Variants in XK observed in about 807,000 individuals in gnomAD.
XK encodes the protein X-linked Kx blood group antigen, Kell and VPS13A binding protein, also known as endoplasmic reticulum membrane adapter protein XK.
A neutral mutation model predicts 14.0 loss-of-function variants in XK; 2 were observed. The observed-to-expected ratio is 0.14, with a 90% CI of 0.06 to 0.45. The LOEUF (loss-of-function observed/expected upper bound fraction) is 0.45, where lower values mean the gene tolerates loss of function less well. Ranked by LOEUF, XK falls within the 20% of genes least tolerant of loss-of-function variation. XK has a pLI of 0.98. For synonymous variants in XK, 149 were observed against 147.5 expected, an observed-to-expected ratio of 1.01 and a Z score of -0.08; for missense variants, 235 against 341.5, an observed-to-expected ratio of 0.69 and a Z score of 2.46.
At chrX:37,707,686 A>T (rs1203715547) in intron 2 of XK, among the ~76,000 whole-genome samples, 1 of 99,282 alleles carries the variant, frequency 1.0e-5, no homozygotes, top group African/African-American at 3.8e-5. Context: ...CCTAGATGGG[A>T]TGGCGGCCGG....
At chrX:37,721,607 A>G (rs1927873623) in intron 2 of XK, among the ~76,000 whole-genome samples, 1 of 111,802 alleles carries the variant, frequency 8.9e-6, no homozygotes, top group South Asian at 3.6e-4. Flanking sequence ...TGGTTGAAAT[A>G]TGAAATGGTG....
rs917766328 is a variant in XK at position 37,730,269 on chromosome X, A to G, written c.*1807A>G. 8.9e-6 allele frequency: 1 copy of G among 112,288 alleles called. No individual in the cohort carries two copies. The highest frequency in any genetic ancestry group is 9.4e-5 in the Admixed American group (1 of 10,604). The allele number at this position is 112,288 out of a possible 1,213,427, so 9.3% of individuals were successfully genotyped here. ...AATAGGCCTAAAATAGTGAGCATAT[A>G]TAATCAAAATAATACTTCATACAAC... On this transcript the variant is annotated 3_prime_UTR_variant, in exon 3 of 3. Coordinates refer to ENST00000378616, the MANE Select transcript of XK (RefSeq NM_021083.4).
chrX:37,696,622 A>G (rs1164380288), intron 2 of XK, among the ~76,000 whole-genome samples: 1 of 112,848 alleles, frequency 8.9e-6, no homozygotes, highest in Non-Finnish European at 1.9e-5. Flanking sequence ...GGTGTGCCAC[A>G]AAGGCAAATG....
At chrX:37,699,213 A>G (rs189953240) in intron 2 of XK, among the ~76,000 whole-genome samples, 1 of 112,234 alleles carries the variant, frequency 8.9e-6, no homozygotes, top group Admixed American at 9.4e-5. Flanking sequence ...GAACAATGTG[A>G]TGATTGATTG....
chrX:37,728,091 A>C lies in XK; in HGVS notation c.964A>C (p.Met322Leu), dbSNP rs1233147536. ...HNWYQLLVYY[M>L]IRFIENAILL... is the part of the protein sequence containing the mutation. The stretch of plus-strand genomic sequence containing the variant: ...TTGGTACCAGCTACTGGTGTATTAC[A>C]TGATAAGATTCATCGAGAATGCCAT... Residue 322 changes from methionine (M) to leucine (L), a missense_variant, in exon 3 of 3, where the codon ATG becomes CTG. Coordinates refer to ENST00000378616, the MANE Select transcript of XK (RefSeq NM_021083.4). The C allele has an allele frequency of 8.3e-7, 1 of 1,211,624 alleles. No homozygotes were observed. The highest frequency in any genetic ancestry group is 2.3e-4 in the Middle Eastern group (1 of 4,355).
At chrX:37,710,079 C>T (rs1377820463) in intron 2 of XK, among the ~76,000 whole-genome samples, 1 of 112,077 alleles carries the variant, frequency 8.9e-6, no homozygotes, top group African/African-American at 3.2e-5. Flanking sequence ...TGCCTGTCAC[C>T]CAATAGGGAC....
At position 37,685,880 on chromosome X, in the gene XK, C is replaced by T. The variant is rs1328035112; in HGVS notation, c.-82C>T. On this transcript the variant is annotated 5_prime_UTR_variant, in exon 1 of 3. Coordinates refer to ENST00000378616, the MANE Select transcript of XK (RefSeq NM_021083.4). ...TTGGGGCTGGGCATGCTGGGAGCCCCTCGGGCAACGGCCGCCGCCGCCACA... is the reference window on the plus strand; with the variant it reads ...TTGGGGCTGGGCATGCTGGGAGCCCTTCGGGCAACGGCCGCCGCCGCCACA... 12 of 1,105,931 alleles carry T rather than the reference C, an allele frequency of 1.1e-5. No individual in the cohort carries two copies. The highest frequency in any genetic ancestry group is 1.4e-5 in the Non-Finnish European group (12 of 828,546). The allele number at this position is 1,105,931 out of a possible 1,213,427, so 91.1% of individuals were successfully genotyped here.
intron 2 of XK, among the ~76,000 whole-genome samples, chrX:37,709,831 C>G (rs1176271849): frequency 9.0e-6 from 1 of 111,619 alleles, no homozygotes; most frequent in Non-Finnish European, 1.9e-5. Context: ...AAACATTACA[C>G]ACTCGTACAA....
At chrX:37,704,751 C>T (rs1927479153) in intron 2 of XK, among the ~76,000 whole-genome samples, 1 of 111,253 alleles carries the variant, frequency 9.0e-6, no homozygotes, top group African/African-American at 3.3e-5. Context: ...AGGAGAATCG[C>T]TTGAACCCTG....
intron 2 of XK, among the ~76,000 whole-genome samples, chrX:37,701,173 T>C (rs1338447056): frequency 8.9e-6 from 1 of 112,353 alleles, no homozygotes; most frequent in Admixed American, 9.4e-5. Flanking sequence ...TATTTGTAAA[T>C]GTATTCCATT....
At chrX:37,690,999 G>A (rs12007249) in intron 1 of XK, among the ~76,000 whole-genome samples, 1,978 of 112,028 alleles carry the variant, frequency 0.018, 42 homozygotes, top group African/African-American at 0.06. Flanking sequence ...AACAGTGGCA[G>A]GAGGTCTTGG....
intron 2 of XK, among the ~76,000 whole-genome samples, chrX:37,725,424 C>A (rs1225077230): frequency 9.0e-6 from 1 of 111,543 alleles, no homozygotes; most frequent in Non-Finnish European, 1.9e-5. Flanking sequence ...TGGCAAAAAT[C>A]CAGAACACTG....
At chrX:37,710,556 G>A (rs782668982) in intron 2 of XK, among the ~76,000 whole-genome samples, 23 of 111,950 alleles carry the variant, frequency 2.1e-4, no homozygotes, top group Admixed American at 3.8e-4. Flanking sequence ...AGCACTCTGG[G>A]AGGCTGAGGT....
At chrX:37,712,747 A>G (rs782385007) in intron 2 of XK, among the ~76,000 whole-genome samples, 2 of 112,059 alleles carry the variant, frequency 1.8e-5, no homozygotes, top group Non-Finnish European at 3.8e-5. Flanking sequence ...TGACCACTCA[A>G]TGTAAGGTCA....
rs782261812 is a variant in XK, at chrX:37,730,184, A to G, written c.*1722A>G. 1.8e-5 allele frequency: 2 copies of G among 111,874 alleles called. No individual in the cohort carries two copies. Among genetic ancestry groups the G allele is most frequent in the Admixed American group, 1.9e-4 (2 of 10,558 alleles). The allele number at this position is 111,874 out of a possible 1,213,427, so 9.2% of individuals were successfully genotyped here. ...TTTTGTCTATTTTTAACCAAATAAGAATAACACTCAAGACTATGTTCTCCA... is the reference window on the plus strand; with the variant it reads ...TTTTGTCTATTTTTAACCAAATAAGGATAACACTCAAGACTATGTTCTCCA... On this transcript the variant is annotated 3_prime_UTR_variant, in exon 3 of 3. Transcript: ENST00000378616.
intron 2 of XK, among the ~76,000 whole-genome samples, chrX:37,714,010 C>T (rs1416821379): frequency 9.0e-6 from 1 of 111,587 alleles, no homozygotes; most frequent in Non-Finnish European, 1.9e-5. Flanking sequence ...TGGAGACCCA[C>T]AGTATCTGCA....
chrX:37,689,547 G>A (rs934825097), intron 1 of XK, among the ~76,000 whole-genome samples: 4 of 112,008 alleles, frequency 3.6e-5, no homozygotes, highest in Non-Finnish European at 7.5e-5. Flanking sequence ...TTGAGTTCAT[G>A]CAGCACGATG....
At chrX:37,726,375 A>T (rs1203670152) in intron 2 of XK, among the ~76,000 whole-genome samples, 1 of 112,134 alleles carries the variant, frequency 8.9e-6, no homozygotes, top group Non-Finnish European at 1.9e-5. Flanking sequence ...GTATTATCTC[A>T]ATTTTATGGG....
chrX:37,722,438 G>A (rs1259498380), intron 2 of XK, among the ~76,000 whole-genome samples: 1 of 111,507 alleles, frequency 9.0e-6, no homozygotes, highest in Admixed American at 9.5e-5. Flanking sequence ...AGAGTGTAGT[G>A]CAGGTGGGGA....
Sources: gnomAD v4.1 joint callset for allele counts (sites outside exome capture counted in the v4.1 genomes callset) on GRCh38, gnomAD v4.1.1 for gene constraint, MANE v1.5 for transcripts, NCBI Gene and HGNC (gene_info 2026-07-23, HGNC 2026-07-21) for gene names.